Variants in NOL4 observed in about 807,000 individuals in gnomAD.
The protein encoded by NOL4 is cancer/testis antigen 125.
NOL4 carries 17 observed loss-of-function variants against 75.9 expected under a neutral mutation model. The observed-to-expected ratio is 0.22, with a 90% CI of 0.15 to 0.34. The LOEUF is 0.34. Among genes scored for constraint, NOL4 ranks in the 10% least tolerant of loss-of-function variants. NOL4 has a pLI of 1.00. For synonymous variants in NOL4, 292 were observed against 289.9 expected (o/e 1.01, Z -0.07); for missense variants, 614 against 793.5 (o/e 0.77, Z 2.72).
chr18:34,017,067 G>C (rs2074739715), intron 6 of NOL4, among the ~76,000 whole-genome samples: 1 of 152,084 alleles, frequency 6.6e-6, no homozygotes, highest in Non-Finnish European at 1.5e-5. Context: ...TGTCTAGCAA[G>C]AGACCCCTTC....
chr18:34,014,051 C>A (rs1941343), intron 6 of NOL4, among the ~76,000 whole-genome samples: 3 of 151,948 alleles, frequency 2.0e-5, no homozygotes, highest in South Asian at 4.2e-4. Context: ...GTCAATCCAT[C>A]GCTCTTAGTT....
intron 10 of NOL4, among the ~76,000 whole-genome samples, chr18:33,879,295 A>G (rs1365688706): frequency 6.6e-6 from 1 of 152,078 alleles, no homozygotes; most frequent in Admixed American, 6.6e-5. Flanking sequence ...TTATGCATCC[A>G]ATAGTATAAA....
At chr18:34,121,335 G>T (rs1198395599) in intron 2 of NOL4, 1 of 152,114 alleles carries the variant, frequency 6.6e-6, no homozygotes. Context: ...GAACCACAAA[G>T]AATGCCACTT....
At chr18:34,220,198 T>C (rs2037199995) in intron 1 of NOL4, among the ~76,000 whole-genome samples, 1 of 152,228 alleles carries the variant, frequency 6.6e-6, no homozygotes, top group Admixed American at 6.5e-5. Context: ...TACTCTGTTC[T>C]AGTATAACCT....
chr18:33,983,727 C>A (rs572873603), intron 6 of NOL4, among the ~76,000 whole-genome samples: 1 of 151,792 alleles, frequency 6.6e-6, no homozygotes, highest in Non-Finnish European at 1.5e-5. Context: ...AAACCACTCA[C>A]TGAATCTTTG....
chr18:34,073,430 T>C (rs1158407518), intron 5 of NOL4, among the ~76,000 whole-genome samples: 1 of 152,032 alleles, frequency 6.6e-6, no homozygotes, highest in Non-Finnish European at 1.5e-5. Context: ...TGATGTAGTA[T>C]TTGCATATAA....
chr18:33,943,304 C>A (rs546556152), intron 8 of NOL4, 126 bp from the exon 9 acceptor site: 2 of 631,064 alleles, frequency 3.2e-6, no homozygotes, highest in Non-Finnish European at 5.5e-6. Flanking sequence ...TTCAACTGAA[C>A]TTGTTTCAAT....
At chr18:33,897,713 T>C (rs996317041) in intron 9 of NOL4, among the ~76,000 whole-genome samples, 6 of 152,028 alleles carry the variant, frequency 3.9e-5, no homozygotes, top group African/African-American at 1.4e-4. Flanking sequence ...CCATGACACA[T>C]GTTTGACTAC....
At chr18:33,978,772 T>C (rs1201996409) in intron 6 of NOL4, among the ~76,000 whole-genome samples, 2 of 151,896 alleles carry the variant, frequency 1.3e-5, no homozygotes, top group South Asian at 4.1e-4. Context: ...TAATATCTAA[T>C]ATAATATAAA....
chr18:34,160,186 C>A (rs1384711941), intron 1 of NOL4, among the ~76,000 whole-genome samples: 1 of 152,034 alleles, frequency 6.6e-6, no homozygotes, highest in African/African-American at 2.4e-5. Flanking sequence ...TATTGTTCAG[C>A]TGTAGACAAA....
intron 10 of NOL4, among the ~76,000 whole-genome samples, chr18:33,876,697 T>C (rs116685533): frequency 0.021 from 3,126 of 152,206 alleles, 50 homozygotes; most frequent in Middle Eastern, 0.051. Flanking sequence ...TCAGAACATT[T>C]GGAATTCCCA....
At position 34,019,349 on chromosome 18, in the gene NOL4, A is replaced by T. The variant is rs368193678; in HGVS notation, c.1025T>A (p.Met342Lys). 3 of 1,613,892 alleles carry T rather than the reference A, an allele frequency of 1.9e-6. No homozygotes were observed. Among genetic ancestry groups the T allele is most frequent in the African/African-American group, 1.3e-5 (1 of 74,982 alleles). ...TCCATTTTCTCTCGCCTCTCGTTCCATCTTGAGGTCAGAAATTAGAAGATT... is the reference window on the plus strand; with the variant it reads ...TCCATTTTCTCTCGCCTCTCGTTCCTTCTTGAGGTCAGAAATTAGAAGATT... ...YKNLLISDLK[M>K]EREARENGSK... The change falls in exon 6 of 11, where the codon ATG becomes AAG. Residue 342 changes from methionine to lysine, a missense_variant. Transcript: ENST00000261592.
intron 1 of NOL4, among the ~76,000 whole-genome samples, chr18:34,152,665 C>T (rs2081701362): frequency 6.6e-6 from 1 of 151,834 alleles, no homozygotes; most frequent in Admixed American, 6.6e-5. Flanking sequence ...TCTCAATAGT[C>T]ACCAAGTGAG....
intron 1 of NOL4, among the ~76,000 whole-genome samples, chr18:34,163,346 T>C (rs914277983): frequency 6.6e-6 from 1 of 151,390 alleles, no homozygotes; most frequent in South Asian, 2.1e-4. Flanking sequence ...AAAACCCCAC[T>C]GTCTCAGCCC....
chr18:34,163,058 T>G (rs1379243024), intron 1 of NOL4, among the ~76,000 whole-genome samples: 1 of 152,160 alleles, frequency 6.6e-6, no homozygotes, highest in Non-Finnish European at 1.5e-5. Flanking sequence ...TGCTAAAAAC[T>G]CTCAATAAAT....
chr18:34,007,034 T>C (rs750901219), intron 6 of NOL4, among the ~76,000 whole-genome samples: 3 of 152,012 alleles, frequency 2.0e-5, no homozygotes, highest in South Asian at 2.1e-4. Flanking sequence ...TATGCTCTGC[T>C]GGCCTACAGG....
intron 9 of NOL4, among the ~76,000 whole-genome samples, chr18:33,915,997 G>A (rs894091986): frequency 2.0e-5 from 3 of 152,210 alleles, no homozygotes; most frequent in South Asian, 2.1e-4. Context: ...CAACATTATC[G>A]AGTACAGAGT....
Position 34,019,314 on chromosome 18 carries a change from A to C in NOL4, c.1056+4T>G, listed in dbSNP as rs904490454. ...AAATTCTGGAAATTGTAATGTGATC[A>C]TACCTTGCTTCCATTTTCTCTCGCC... On this transcript the variant is annotated splice_donor_region_variant and intron_variant, in intron 6 of 10. Coordinates refer to ENST00000261592, the MANE Select transcript of NOL4 (RefSeq NM_003787.5). 7 of 1,612,056 alleles carry C rather than the reference A, an allele frequency of 4.3e-6. No individual in the cohort carries two copies. The highest frequency in any genetic ancestry group is 5.9e-6 in the Non-Finnish European group (7 of 1,178,514).
At chr18:34,177,872 T>C (rs954638321) in intron 1 of NOL4, among the ~76,000 whole-genome samples, 1 of 151,894 alleles carries the variant, frequency 6.6e-6, no homozygotes. Flanking sequence ...ATTTTTCAGC[T>C]TGAAATGAAG....
Sources: allele counts gnomAD v4.1 joint callset (sites outside exome capture counted in the v4.1 genomes callset), GRCh38; gene constraint gnomAD v4.1.1; transcripts MANE v1.5; gene names NCBI Gene and HGNC (gene_info 2026-07-23, HGNC 2026-07-21).